The following USP48 variants were observed in gnomAD, a reference collection of about 807,000 sequenced individuals.
The protein encoded by USP48 is ubiquitin carboxyl-terminal hydrolase 48.
A neutral mutation model predicts 150.7 loss-of-function variants in USP48; 43 were observed. That is an observed-to-expected ratio of 0.29 (90% confidence interval 0.22 to 0.37). The LOEUF (loss-of-function observed/expected upper bound fraction) is 0.37, where lower values mean the gene tolerates loss of function less well. USP48 is among the 10% of genes least tolerant of loss of function. The probability of loss-of-function intolerance (pLI) is 1.00; values close to 1 mark genes in which losing one functional copy is unlikely to be tolerated. For missense variants in USP48, 813 were observed against 1,249.6 expected (o/e 0.65, Z 5.27); for synonymous variants, 396 against 425.9 (o/e 0.93, Z 0.86).
At chr1:21,752,505 G>T in intron 5 of USP48, 22 bp downstream of exon 5, 2 of 1,602,890 alleles carry the variant, frequency 1.2e-6, no homozygotes, top group Non-Finnish European at 8.5e-7. Flanking sequence ...AATGTACCAT[G>T]AAAAAGTTGA....
At chr1:21,780,162 C>T (rs963613283) in intron 1 of USP48, among the ~76,000 whole-genome samples, 1 of 152,138 alleles carries the variant, frequency 6.6e-6, no homozygotes, top group East Asian at 1.9e-4. Context: ...ATCAAAATGT[C>T]CCTCAACTGA....
intron 11 of USP48, among the ~76,000 whole-genome samples, chr1:21,727,585 T>G (rs1437369718): frequency 6.6e-6 from 1 of 152,186 alleles, no homozygotes; most frequent in Non-Finnish European, 1.5e-5. Flanking sequence ...CCCAACACCT[T>G]TGAACAAAGA....
intron 1 of USP48, among the ~76,000 whole-genome samples, chr1:21,762,182 G>A (rs910676823): frequency 3.9e-5 from 6 of 152,086 alleles, no homozygotes; most frequent in Non-Finnish European, 7.4e-5. Flanking sequence ...TGAGAGAACC[G>A]CTTGAACCAG....
At chr1:21,713,857 G>A (rs757641157) in intron 15 of USP48, among the ~76,000 whole-genome samples, 1 of 152,196 alleles carries the variant, frequency 6.6e-6, no homozygotes, top group Non-Finnish European at 1.5e-5. Context: ...GACAGATAGG[G>A]TGATACGATG....
chr1:21,735,407 C>A (rs561773605), intron 9 of USP48, among the ~76,000 whole-genome samples: 3 of 152,180 alleles, frequency 2.0e-5, no homozygotes, highest in South Asian at 2.1e-4. Context: ...CGAAACTAGC[C>A]TGGGCAACCA....
chr1:21,774,406 GGACC>G (rs1376998397), intron 1 of USP48, among the ~76,000 whole-genome samples: 1 of 151,568 alleles, frequency 6.6e-6, no homozygotes, highest in Non-Finnish European at 1.5e-5. Flanking sequence ...AGAAAGAATA[GGACC>G]GGTCGCAGTG....
chr1:21,753,852 T>C (rs2097824138), intron 3 of USP48, among the ~76,000 whole-genome samples: 1 of 141,400 alleles, frequency 7.1e-6, no homozygotes. Context: ...AAAAAAACTT[T>C]AAAAGACAGG....
chr1:21,689,504 T>A (rs995703976), intron 24 of USP48, among the ~76,000 whole-genome samples: 6 of 152,000 alleles, frequency 3.9e-5, no homozygotes, highest in African/African-American at 1.5e-4. Flanking sequence ...TAGATCTGTA[T>A]CTGGAGAAGA....
intron 23 of USP48, among the ~76,000 whole-genome samples, chr1:21,694,572 C>CAAAAAAAAAAAAAAAAAAAAAA (rs1204062748): frequency 8.3e-5 from 1 of 12,022 alleles, no homozygotes; most frequent in African/African-American, 4.6e-4. Context: ...TCTGTCTCAC[C>CAAAAAAAAAAAAAAAAAAAAAA]AAAAAAAAAA....
chr1:21,760,910 A>G (rs1255496601), intron 1 of USP48, among the ~76,000 whole-genome samples: 1 of 152,124 alleles, frequency 6.6e-6, no homozygotes, highest in Admixed American at 6.6e-5. Flanking sequence ...CCTGACCAAC[A>G]TGGAGAAACC....
intron 8 of USP48, among the ~76,000 whole-genome samples, chr1:21,738,457 T>C (rs12742945): frequency 0.051 from 7,655 of 150,514 alleles, 235 homozygotes; most frequent in Middle Eastern, 0.058. Flanking sequence ...CCTGGGGTCA[T>C]GCGATTCTCT....
At chr1:21,774,157 T>A (rs2097890481) in intron 1 of USP48, among the ~76,000 whole-genome samples, 1 of 149,124 alleles carries the variant, frequency 6.7e-6, no homozygotes, top group African/African-American at 2.5e-5. Flanking sequence ...CCAGCCTGGG[T>A]GACAGAGCGA....
intron 1 of USP48, among the ~76,000 whole-genome samples, chr1:21,771,267 G>C (rs978920414): frequency 6.6e-6 from 1 of 151,758 alleles, no homozygotes; most frequent in African/African-American, 2.4e-5. Context: ...CCAGCTACTT[G>C]GGAGGCTGAG....
chr1:21,706,429 G>C, intron 17 of USP48, 38 bp downstream of exon 17: 1 of 1,612,482 alleles, frequency 6.2e-7, no homozygotes, highest in Non-Finnish European at 8.5e-7. Context: ...GCTTTAAAAA[G>C]AAAAGATGCA....
intron 3 of USP48, among the ~76,000 whole-genome samples, chr1:21,755,915 C>T (rs1031312398): frequency 6.6e-6 from 1 of 152,102 alleles, no homozygotes; most frequent in African/African-American, 2.4e-5. Flanking sequence ...CCTGTAATCC[C>T]AGCACTCTGG....
rs375129867 is a variant in USP48 at position 21,732,336 on chromosome 1, A to G, written c.1172-2504T>C. Among the ~76,000 whole-genome samples, 10 of 152,294 alleles carry G rather than the reference A, an allele frequency of 6.6e-5. No individual in the cohort carries two copies. The East Asian group carries it at 1.2e-3, about 18-fold the overall frequency. ...AGGAAATCCAGTTACCAGATCCTCA[A>G]TTCACCACGTGCTTTTCTAAAATGG... On this transcript the variant is annotated intron_variant, in intron 9 of 26. Transcript: ENST00000308271.
In USP48 at chr1:21,708,903, G is replaced by GA. The variant is rs1491337533; in HGVS notation, c.1964-2036dup. On this transcript the variant is annotated intron_variant, in intron 15 of 26. Coordinates refer to ENST00000308271, the MANE Select transcript of USP48 (RefSeq NM_032236.8). ...CCGTCTCAAAAAAAAAAAAAAAAAAGAAAGAAAAGAAAAGAAAAGAAAAGA... is the reference window on the plus strand; with the variant it reads ...CCGTCTCAAAAAAAAAAAAAAAAAAGAAAAGAAAAGAAAAGAAAAGAAAAGA... Among the ~76,000 whole-genome samples, 118 of 50,116 alleles carry GA rather than the reference G, an allele frequency of 2.4e-3. 2 individuals are homozygous for GA. Among genetic ancestry groups the GA allele is most frequent in the African/African-American group, 2.9e-3 (63 of 21,712 alleles). The allele number at this position is 50,116 out of a possible 152,430, so 32.9% of individuals were successfully genotyped here.
At chr1:21,725,187 T>TA (rs1392221092) in intron 11 of USP48, 1 of 152,220 alleles carries the variant, frequency 6.6e-6, no homozygotes, top group East Asian at 1.9e-4. Context: ...AAGTCGAATG[T>TA]GGCTCCAGAG....
At chr1:21,706,248 C>CT in intron 17 of USP48, 61 bp from the exon 18 acceptor site, 1 of 1,575,912 alleles carries the variant, frequency 6.3e-7, no homozygotes, top group Non-Finnish European at 8.7e-7. Context: ...ACACAAATTC[C>CT]TTATAATATA....
Sources: allele counts gnomAD v4.1 joint callset (sites outside exome capture counted in the v4.1 genomes callset), GRCh38; gene constraint gnomAD v4.1.1; transcripts MANE v1.5; gene names NCBI Gene and HGNC (gene_info 2026-07-23, HGNC 2026-07-21).